ACAN: variants seen among roughly 807,000 people sequenced by gnomAD.
ACAN encodes aggrecan core protein.
ACAN carries 47 observed loss-of-function variants against 169.1 expected under a neutral mutation model. The ratio of observed to expected loss-of-function variants is 0.28; its 90% CI spans 0.22 to 0.35. ACAN has a LOEUF of 0.35. Ranked by LOEUF, ACAN falls within the 10% of genes least tolerant of loss-of-function variation. The pLI, the probability that ACAN is intolerant of heterozygous loss-of-function variation, is 1.00. For synonymous variants in ACAN, 1,115 were observed against 1,112.2 expected (o/e 1.00, Z -0.05); for missense variants, 2,716 against 2,759.9 (o/e 0.98, Z 0.36).
intron 5 of ACAN, 57 bp downstream of exon 5, chr15:88,841,924 C>T: frequency 1.0e-5 from 16 of 1,602,110 alleles, no homozygotes; most frequent in Admixed American, 1.7e-5. Flanking sequence ...CCACCTTCCC[C>T]TCCCCATCTC....
At chr15:88,830,244 G>C (rs1896326028) in intron 1 of ACAN, among the ~76,000 whole-genome samples, 1 of 152,192 alleles carries the variant, frequency 6.6e-6, no homozygotes, top group Non-Finnish European at 1.5e-5. Flanking sequence ...ACAATGAATG[G>C]AGAATGAGGC....
chr15:88,805,618 G>C, intron 1 of ACAN, among the ~76,000 whole-genome samples: 2 of 152,278 alleles, frequency 1.3e-5, no homozygotes, highest in Admixed American at 1.3e-4. Context: ...GGCCCACAGC[G>C]GGTACTCAAT....
intron 1 of ACAN, among the ~76,000 whole-genome samples, chr15:88,824,314 C>T (rs948062349): frequency 1.1e-4 from 15 of 141,580 alleles, no homozygotes; most frequent in Admixed American, 6.8e-4. Flanking sequence ...AGCGAGACTC[C>T]GTCTCAAAAA....
rs751007178 is a variant in ACAN at position 88,860,452 on chromosome 15, T to C, written c.6946+13T>C. The C allele has an allele frequency of 1.4e-5, 23 of 1,605,460 alleles. No homozygotes were observed. Among genetic ancestry groups the C allele is most frequent in the Middle Eastern group, 1.6e-4 (1 of 6,062 alleles). On this transcript the variant is annotated intron_variant, in intron 13 of 18. Transcript: ENST00000560601. ...CACTGTAACATAGGTAAGGCCCTCA[T>C]TGGCCGTGGAGAGTGAGGGCGGAGG... is the stretch of plus-strand genomic sequence containing the variant.
intron 7 of ACAN, 43 bp from the exon 8 acceptor site, chr15:88,847,200 A>G (rs1304598304): frequency 1.3e-6 from 2 of 1,498,938 alleles, no homozygotes; most frequent in Non-Finnish European, 1.8e-6. Context: ...GAAGCTGCAC[A>G]CCGTGGGTCC....
chr15:88,845,860 T>G lies in ACAN; in HGVS notation c.1407T>G (p.Pro469=). The G allele has an allele frequency of 6.9e-7, 1 of 1,458,236 alleles. No homozygotes were observed. The highest frequency in any genetic ancestry group is 9.1e-7 in the Non-Finnish European group (1 of 1,101,526). 90.3% of individuals were successfully genotyped at this position (1,458,236 alleles called of 1,614,324 possible). A position where few individuals can be genotyped will look rare whatever the true frequency, so the allele number is the denominator to read the frequency against. The change falls in exon 7 of 19, where the codon CCT becomes CCG. Residue 469 remains proline, a synonymous_variant. Coordinates refer to ENST00000560601, the MANE Select transcript of ACAN (RefSeq NM_001369268.1). ...EDLVVQVTAV[P]GQPHLPGGVV... is the part of the protein sequence containing the mutation. ...TCGTCGTGCAGGTGACCGCTGTCCC[T>G]GGGCAGCCGCATTTGCCAGGGGGTA...
At chr15:88,828,591 G>A (rs939899339) in intron 1 of ACAN, among the ~76,000 whole-genome samples, 5 of 152,168 alleles carry the variant, frequency 3.3e-5, no homozygotes, top group African/African-American at 9.7e-5. Flanking sequence ...ATAGGCAAGC[G>A]AAACCCTTGT....
In ACAN at chr15:88,862,991, C is replaced by G. The variant is rs1897225421; in HGVS notation, c.6946+2552C>G. Among the ~76,000 whole-genome samples the G allele has an allele frequency of 4.0e-5, 5 of 125,752 alleles. No homozygotes were observed. In the South Asian group the frequency reaches 1.1e-3, roughly 27 times the overall value. The allele number at this position is 125,752 out of a possible 152,430, so 82.5% of individuals were successfully genotyped here. ...CCAGCCTGGGTGACAGAGTGACACT[C>G]GGTCTCAAAAAAAAAAAAAAAAAAA... is the stretch of plus-strand genomic sequence containing the variant. On this transcript the variant is annotated intron_variant, in intron 13 of 18. Transcript: ENST00000560601.
At position 88,840,039 on chromosome 15, in the gene ACAN, C is replaced by A. The variant is rs777539705; in HGVS notation, c.482C>A (p.Ser161Tyr). The change falls in exon 4 of 19, where the codon TCT becomes TAT. Residue 161 changes from serine to tyrosine, a missense_variant. This residue lies in a region of ACAN where 1,283 missense variants were observed against 1,281.5 expected (regional missense o/e 1.00). Transcript: ENST00000560601. ...ATCGTGTTCCATTACAGAGCCATCT[C>A]TACACGCTACACCCTCGACTTTGAC... ...KGIVFHYRAI[S>Y]TRYTLDFDRA... 5 of 1,601,770 alleles carry A rather than the reference C, an allele frequency of 3.1e-6. No individual in the cohort carries two copies. The Admixed American group carries it at 6.8e-5, about 22-fold the overall frequency.
At chr15:88,810,114 G>A (rs975234041) in intron 1 of ACAN, among the ~76,000 whole-genome samples, 13 of 152,074 alleles carry the variant, frequency 8.5e-5, no homozygotes, top group African/African-American at 3.1e-4. Flanking sequence ...GAGAGCGGAG[G>A]ACACTTGGAT....
At chr15:88,820,279 G>A (rs917478227) in intron 1 of ACAN, among the ~76,000 whole-genome samples, 4 of 152,182 alleles carry the variant, frequency 2.6e-5, no homozygotes, top group Non-Finnish European at 5.9e-5. Flanking sequence ...CAGGCAGCAC[G>A]TGCTCCTGCT....
At chr15:88,811,088 A>G (rs1895808996) in intron 1 of ACAN, among the ~76,000 whole-genome samples, 1 of 152,116 alleles carries the variant, frequency 6.6e-6, no homozygotes, top group African/African-American at 2.4e-5. Context: ...TGGTTCTCCA[A>G]GGTGGTTTGT....
chr15:88,859,515 A>T, intron 12 of ACAN, 98 bp downstream of exon 12: 1 of 1,498,714 alleles, frequency 6.7e-7, no homozygotes. Context: ...GGTTCCAAGA[A>T]CAACTCCACC....
chr15:88,874,205 C>T lies in ACAN; in HGVS notation c.7630+181C>T. On this transcript the variant is annotated intron_variant, in intron 18 of 18. Coordinates refer to ENST00000560601, the MANE Select transcript of ACAN (RefSeq NM_001369268.1). This position sits in a 1 kb window ranked among gnomAD's most constrained non-coding sequence, Gnocchi z 7.3. ...GCCCTTAGAAGGGCCACGTACTTGT[C>T]CCAGGAGAGGGCTCACTTGGAGGAT... The T allele has an allele frequency of 9.6e-7, 1 of 1,042,808 alleles. No homozygotes were observed. The highest frequency in any genetic ancestry group is 2.0e-5 in the Admixed American group (1 of 49,702). 64.6% of individuals were successfully genotyped at this position (1,042,808 alleles called of 1,614,324 possible). A position where few individuals can be genotyped will look rare whatever the true frequency, so the allele number is the denominator to read the frequency against.
intron 11 of ACAN, among the ~76,000 whole-genome samples, chr15:88,852,884 T>C (rs554655477): frequency 6.6e-6 from 1 of 152,332 alleles, no homozygotes; most frequent in South Asian, 2.1e-4. Context: ...TATGTGCATC[T>C]GAAGAAAGGA....
chr15:88,806,105 C>T (rs1024822110), intron 1 of ACAN, among the ~76,000 whole-genome samples: 2 of 152,208 alleles, frequency 1.3e-5, no homozygotes, highest in African/African-American at 4.8e-5. Context: ...GGGTACTGAG[C>T]CTCCCAGAGG....
intron 1 of ACAN, among the ~76,000 whole-genome samples, chr15:88,825,778 AG>A (rs1403392587): frequency 2.2e-5 from 2 of 92,928 alleles, no homozygotes; most frequent in Non-Finnish European, 6.3e-5. Context: ...CCTAAACCCC[AG>A]CCTGCTCCTT....
At chr15:88,840,433 A>C (rs575926907) in intron 4 of ACAN, among the ~76,000 whole-genome samples, 50 of 152,304 alleles carry the variant, frequency 3.3e-4, no homozygotes, top group Admixed American at 7.2e-4. Context: ...CCTACATGTC[A>C]TTATTTTTCC....
chr15:88,853,790 A>G (rs951314622), intron 11 of ACAN, among the ~76,000 whole-genome samples: 4 of 149,190 alleles, frequency 2.7e-5, no homozygotes, highest in Non-Finnish European at 5.9e-5. Flanking sequence ...ACATACGTAC[A>G]TACATACATA....
Sources: allele counts gnomAD v4.1 joint callset (sites outside exome capture counted in the v4.1 genomes callset), GRCh38; gene constraint gnomAD v4.1.1; regional missense constraint gnomAD v4.1.1; non-coding constraint Gnocchi (gnomAD v3.1); transcripts MANE v1.5; gene names NCBI Gene and HGNC (gene_info 2026-07-23, HGNC 2026-07-21).